The following ESR1 variants were observed in gnomAD, a reference collection of about 807,000 sequenced individuals.
The protein encoded by ESR1 is estrogen receptor 1.
ESR1 carries 12 observed loss-of-function variants against 52.7 expected under a neutral mutation model. The ratio of observed to expected loss-of-function variants is 0.23; its 90% CI spans 0.15 to 0.37. The LOEUF is 0.37. ESR1 is among the 10% of genes least tolerant of loss of function. The probability of loss-of-function intolerance (pLI) is 1.00; values close to 1 mark genes in which losing one functional copy is unlikely to be tolerated. For missense variants in ESR1, 584 were observed against 779.7 expected (o/e 0.75, Z 2.99); for synonymous variants, 305 against 316.8 (o/e 0.96, Z 0.39).
At chr6:152,119,005 G>A (rs1430958785) in intron 6 of ESR1, among the ~76,000 whole-genome samples, 1 of 152,174 alleles carries the variant, frequency 6.6e-6, no homozygotes, top group Non-Finnish European at 1.5e-5. Context: ...CGATGGTGCT[G>A]GTGAATTGGT....
chr6:151,915,916 G>A (rs1395296332), intron 3 of ESR1, among the ~76,000 whole-genome samples: 2 of 151,888 alleles, frequency 1.3e-5, no homozygotes, highest in Admixed American at 6.6e-5. Context: ...TTTTCCCACT[G>A]AAGGACAAAT....
chr6:151,915,193 C>CA (rs200034289), intron 3 of ESR1, among the ~76,000 whole-genome samples: 159 of 129,882 alleles, frequency 1.2e-3, no homozygotes, highest in Admixed American at 1.4e-3. Flanking sequence ...GATTCCGTCT[C>CA]AAAAAAAAAA....
intron 1 of ESR1, among the ~76,000 whole-genome samples, chr6:151,681,541 C>T (rs975264364): frequency 7.2e-5 from 11 of 152,046 alleles, no homozygotes; most frequent in African/African-American, 2.4e-4. Context: ...AAACTGGAAG[C>T]TGTTCTTGGA....
At chr6:152,002,297 A>G (rs980490788) in intron 4 of ESR1, among the ~76,000 whole-genome samples, 2 of 151,424 alleles carry the variant, frequency 1.3e-5, no homozygotes, top group African/African-American at 4.9e-5. Flanking sequence ...TGGAGATGGG[A>G]GGAAGCTATC....
At chr6:152,083,735 T>A (rs1273118496) in intron 6 of ESR1, among the ~76,000 whole-genome samples, 2 of 152,176 alleles carry the variant, frequency 1.3e-5, no homozygotes. Context: ...CTTTGTAGAA[T>A]CTGCAAAGAA....
At chr6:152,033,715 C>G (rs1468451210) in intron 5 of ESR1, among the ~76,000 whole-genome samples, 1 of 152,130 alleles carries the variant, frequency 6.6e-6, no homozygotes, top group Admixed American at 6.5e-5. Flanking sequence ...ACTAGTTCAA[C>G]CATTGTGGAA....
chr6:151,806,380 GT>G (rs1310075989), upstream of ESR1, among the ~76,000 whole-genome samples: 3 of 151,936 alleles, frequency 2.0e-5, no homozygotes, highest in Non-Finnish European at 4.4e-5. Context: ...CAGATACTCT[GT>G]TGGGTGTTTG....
chr6:152,030,179 G>A (rs991532055), intron 5 of ESR1, among the ~76,000 whole-genome samples: 25 of 152,192 alleles, frequency 1.6e-4, no homozygotes, highest in African/African-American at 5.5e-4. Context: ...ACCAGCCACT[G>A]CAAAAACATG....
At chr6:151,985,094 C>T (rs9383601) in intron 4 of ESR1, among the ~76,000 whole-genome samples, 14,158 of 151,996 alleles carry the variant, frequency 0.093, 1,409 homozygotes, top group African/African-American at 0.24. Context: ...ACAAATGAAA[C>T]GTGTCACTCA....
rs776270356 is a variant in ESR1, at chr6:151,944,296, C to T, written c.884C>T (p.Pro295Leu). Residue 295 changes from proline (P) to leucine (L), a missense_variant, in exon 4 of 8, where the codon CCG becomes CTG. Physicochemically the swap from Pro to Leu is moderately conservative, Grantham distance 98 (BLOSUM62 -3). This residue lies in a region of ESR1 where 88 missense variants were observed against 88.3 expected (regional missense o/e 1.00). Transcript: ENST00000206249. ...AGAGCTGCCAACCTTTGGCCAAGCCCGCTCATGATCAAACGCTCTAAGAAG... is the reference window on the plus strand; with the variant it reads ...AGAGCTGCCAACCTTTGGCCAAGCCTGCTCATGATCAAACGCTCTAAGAAG... ...DMRAANLWPS[P>L]LMIKRSKKNS... The T allele has an allele frequency of 1.5e-5, 25 of 1,613,986 alleles. No individual in the cohort carries two copies. The highest frequency in any genetic ancestry group is 8.0e-5 in the African/African-American group (6 of 74,890).
chr6:151,994,868 G>C (rs1282052121), intron 4 of ESR1, among the ~76,000 whole-genome samples: 2 of 152,154 alleles, frequency 1.3e-5, no homozygotes, highest in East Asian at 3.9e-4. Flanking sequence ...TTTCATTTGA[G>C]AAATTATCAT....
At chr6:151,860,213 G>A (rs1023371843) in intron 2 of ESR1, among the ~76,000 whole-genome samples, 3 of 151,974 alleles carry the variant, frequency 2.0e-5, no homozygotes, top group Non-Finnish European at 4.4e-5. Flanking sequence ...AATGATTACT[G>A]CAGTCAAGCT....
chr6:151,925,356 C>T (rs947899706), intron 3 of ESR1, among the ~76,000 whole-genome samples: 9 of 152,146 alleles, frequency 5.9e-5, no homozygotes, highest in African/African-American at 2.2e-4. Flanking sequence ...CCTGTAATCC[C>T]AGCACTTTGG....
upstream of ESR1, among the ~76,000 whole-genome samples, chr6:151,800,111 A>G (rs751842263): frequency 8.5e-5 from 13 of 152,206 alleles, no homozygotes; most frequent in Admixed American, 1.3e-4. Flanking sequence ...GGCAAAGTGG[A>G]CTTCCTAGTC....
At chr6:152,119,360 C>CT (rs2051249150) in intron 6 of ESR1, among the ~76,000 whole-genome samples, 1 of 149,884 alleles carries the variant, frequency 6.7e-6, no homozygotes, top group Non-Finnish European at 1.5e-5. Flanking sequence ...CCAGGAGGGA[C>CT]ATTCCTGCTC....
At chr6:151,913,689 C>T (rs573244164) in intron 3 of ESR1, among the ~76,000 whole-genome samples, 174 of 152,180 alleles carry the variant, frequency 1.1e-3, no homozygotes, top group African/African-American at 4.0e-3. Flanking sequence ...GTTTTAATTT[C>T]CTTCTTCCAA....
chr6:151,896,663 A>AT (rs1017630043), intron 3 of ESR1, among the ~76,000 whole-genome samples: 109 of 141,820 alleles, frequency 7.7e-4, no homozygotes, highest in East Asian at 5.0e-3. Context: ...TATCTTTTGT[A>AT]TTTTTTTTTC....
Position 151,808,368 on chromosome 6 carries a change from C to T in ESR1, c.452+4C>T. 1.4e-6 allele frequency: 2 copies of T among 1,470,348 alleles called. No homozygotes were observed. Among genetic ancestry groups the T allele is most frequent in the Non-Finnish European group, 1.8e-6 (2 of 1,117,544 alleles). 91.1% of individuals were successfully genotyped at this position (1,470,348 alleles called of 1,614,324 possible). On this transcript the variant is annotated splice_donor_region_variant and intron_variant, in intron 1 of 7. Transcript: ENST00000206249. ...CCGGCCCGCCGGCATTCTACAGGTA[C>T]CCGCGCCCGCGCCGCCCGTCGGGGT...
intron 5 of ESR1, among the ~76,000 whole-genome samples, chr6:152,029,635 A>G (rs559387188): frequency 6.6e-6 from 1 of 152,350 alleles, no homozygotes; most frequent in East Asian, 1.9e-4. Context: ...GAAATATGGG[A>G]CTATGTGAAA....
Sources: allele counts gnomAD v4.1 joint callset (sites outside exome capture counted in the v4.1 genomes callset), GRCh38; gene constraint gnomAD v4.1.1; regional missense constraint gnomAD v4.1.1; transcripts MANE v1.5; gene names NCBI Gene and HGNC (gene_info 2026-07-23, HGNC 2026-07-21).